CIB1: variants seen among roughly 807,000 people sequenced by gnomAD.
CIB1 encodes the protein calcium and integrin-binding protein 1.
A neutral mutation model predicts 25.0 loss-of-function variants in CIB1; 19 were observed. The ratio of observed to expected loss-of-function variants is 0.76; its 90% CI spans 0.53 to 1.12. CIB1 has a LOEUF of 1.12. Ranked by LOEUF, CIB1 falls within the 50% of genes most tolerant of loss-of-function variation. CIB1 has a pLI of 0.00. For synonymous variants in CIB1, 104 were observed against 98.5 expected, an observed-to-expected ratio of 1.06 and a Z score of -0.33; for missense variants, 236 against 242.6, an observed-to-expected ratio of 0.97 and a Z score of 0.18.
the CIB1 span, chr15:90,264,795 A>G: frequency 1.3e-6 from 2 of 1,536,132 alleles, no homozygotes; most frequent in Non-Finnish European, 1.7e-6. Context: ...TTAACCCCAA[A>G]GCAGGGCTAT....
chr15:90,257,554 G>C, the CIB1 span: 1 of 1,289,684 alleles, frequency 7.8e-7, no homozygotes, highest in Non-Finnish European at 1.1e-6. Context: ...CTCGGGAGGG[G>C]TGGGGAGCAA....
At chr15:90,255,763 C>T in the CIB1 span, 1 of 1,614,032 alleles carries the variant, frequency 6.2e-7, no homozygotes, top group Non-Finnish European at 8.5e-7. Flanking sequence ...AGAAAATCAA[C>T]CACTTCCCTG....
At chr15:90,241,032 C>CA in the CIB1 span, 1 of 1,614,140 alleles carries the variant, frequency 6.2e-7, no homozygotes, top group Non-Finnish European at 8.5e-7. Flanking sequence ...AGAAGGGATT[C>CA]AGTGGCCAAG....
At chr15:90,241,122 G>A in the CIB1 span, 3 of 1,614,166 alleles carry the variant, frequency 1.9e-6, no homozygotes, top group Non-Finnish European at 2.5e-6. Flanking sequence ...GCAGCGGGTG[G>A]AGCTGGGGCT....
At chr15:90,239,670 A>G in the CIB1 span, among the ~76,000 whole-genome samples, 2 of 152,192 alleles carry the variant, frequency 1.3e-5, no homozygotes, top group Non-Finnish European at 2.9e-5. Flanking sequence ...GAACCACAAG[A>G]TGAAATTTGG....
chr15:90,253,125 A>C, the CIB1 span: 4 of 620,800 alleles, frequency 6.4e-6, no homozygotes, highest in African/African-American at 7.2e-5. Flanking sequence ...GGGCTGAGGC[A>C]AGAACTACCT....
At chr15:90,265,201 T>A in the CIB1 span, 1 of 1,344,390 alleles carries the variant, frequency 7.4e-7, no homozygotes. Flanking sequence ...AGCCATGTAC[T>A]CATTTCTGCT....
At chr15:90,246,228 G>A in the CIB1 span, among the ~76,000 whole-genome samples, 7 of 151,850 alleles carry the variant, frequency 4.6e-5, no homozygotes, top group Non-Finnish European at 8.8e-5. Context: ...AGCCAAGATC[G>A]TGCCATTGCA....
the CIB1 span, among the ~76,000 whole-genome samples, chr15:90,256,577 CTT>C: frequency 1.8e-5 from 1 of 56,854 alleles, no homozygotes; most frequent in African/African-American, 8.8e-5. Context: ...TTCTTTCTTT[CTT>C]TCTTTCTTTC....
chr15:90,231,427 C>G lies in CIB1; in HGVS notation c.276G>C (p.Leu92=), dbSNP rs757866965. The G allele has an allele frequency of 1.1e-5, 18 of 1,614,076 alleles. No homozygotes were observed. Among genetic ancestry groups the G allele is most frequent in the Non-Finnish European group, 1.5e-5 (18 of 1,180,040 alleles). ...AKDSLSFEDF[L]DLLSVFSDTA... ...TGTCACTGAACACACTGAGGAGATC[C>G]AGGAAGTCCTCAAAGCTAAGGCTGT... The change falls in exon 4 of 7, where the codon CTG becomes CTC. Residue 92 remains leucine, a synonymous_variant. Coordinates refer to ENST00000328649, the MANE Select transcript of CIB1 (RefSeq NM_006384.4).
chr15:90,230,528 G>A, intron 6 of CIB1, 23 bp from the exon 7 acceptor site: 5 of 1,551,544 alleles, frequency 3.2e-6, no homozygotes, highest in Non-Finnish European at 4.4e-6. Flanking sequence ...AAAGCGGTGG[G>A]TTTTCTGCTG....
At chr15:90,259,268 T>A in the CIB1 span, among the ~76,000 whole-genome samples, 1 of 152,062 alleles carries the variant, frequency 6.6e-6, no homozygotes, top group African/African-American at 2.4e-5. Flanking sequence ...GACATGCCTG[T>A]ATTCCCAGCT....
upstream of CIB1, chr15:90,233,943 C>T (rs899139814): frequency 1.4e-6 from 2 of 1,440,082 alleles, no homozygotes; most frequent in African/African-American, 1.4e-5. Flanking sequence ...AACTTTCTCA[C>T]TTCCGCCCTT....
At chr15:90,259,187 C>G in the CIB1 span, 1 of 538,460 alleles carries the variant, frequency 1.9e-6, no homozygotes, top group South Asian at 2.1e-5. Flanking sequence ...ACATGTGAGA[C>G]TCTGTCCCTA....
the CIB1 span, chr15:90,263,424 C>G: frequency 2.1e-6 from 1 of 482,556 alleles, no homozygotes; most frequent in East Asian, 3.3e-5. Context: ...CAAAATAACC[C>G]CACACTCATG....
chr15:90,265,009 C>A, the CIB1 span: 1 of 1,503,492 alleles, frequency 6.7e-7, no homozygotes. Flanking sequence ...ATAACCTCCC[C>A]AGGTTTCCAA....
the CIB1 span, chr15:90,265,623 G>C: frequency 6.6e-7 from 1 of 1,524,848 alleles, no homozygotes; most frequent in Non-Finnish European, 9.0e-7. Context: ...CTACTACCCA[G>C]CCTCCGGCCC....
chr15:90,262,208 T>G, the CIB1 span: 1 of 1,519,436 alleles, frequency 6.6e-7, no homozygotes, highest in Non-Finnish European at 8.8e-7. Flanking sequence ...TGACCGACAT[T>G]CTCCTCTGCA....
At chr15:90,233,346 G>A (rs1962549040) in intron 2 of CIB1, among the ~76,000 whole-genome samples, 1 of 152,260 alleles carries the variant, frequency 6.6e-6, no homozygotes, top group Non-Finnish European at 1.5e-5. Context: ...AGGCTTCTGT[G>A]GTTTAGCCAC....
Sources: gnomAD v4.1 joint callset for allele counts (sites outside exome capture counted in the v4.1 genomes callset) on GRCh38, gnomAD v4.1.1 for gene constraint, MANE v1.5 for transcripts, NCBI Gene and HGNC (gene_info 2026-07-23, HGNC 2026-07-21) for gene names.